The following GAN variants were observed in gnomAD, a reference collection of about 807,000 sequenced individuals.
GAN encodes gigaxonin, also known as epididymis secretory sperm binding protein.
In GAN, 48 loss-of-function variants were observed where a neutral mutation model predicts 71.3. The ratio of observed to expected loss-of-function variants is 0.67; its 90% CI spans 0.53 to 0.86. The LOEUF (loss-of-function observed/expected upper bound fraction) is 0.86, where lower values mean the gene tolerates loss of function less well. Among genes scored for constraint, GAN ranks in the 40% least tolerant of loss-of-function variants. The probability of loss-of-function intolerance (pLI) is 0.00; values close to 1 mark genes in which losing one functional copy is unlikely to be tolerated. For missense variants in GAN, 928 were observed against 770.1 expected (o/e 1.21, Z -2.43); for synonymous variants, 386 against 276.8 (o/e 1.39, Z -3.92).
At chr16:81,345,058 C>G (rs1910071911) in intron 1 of GAN, among the ~76,000 whole-genome samples, 1 of 152,194 alleles carries the variant, frequency 6.6e-6, no homozygotes, top group Non-Finnish European at 1.5e-5. Context: ...GAGATACCAT[C>G]TCACACCAGT....
chr16:81,383,136 C>T lies in GAN; in HGVS notation c.*5540C>T, dbSNP rs1053433170. 3 of 150,058 alleles carry T rather than the reference C, an allele frequency of 2.0e-5. No individual in the cohort carries two copies. The highest frequency in any genetic ancestry group is 4.4e-5 in the Non-Finnish European group (3 of 67,848). The allele number at this position is 150,058 out of a possible 1,614,324, so 9.3% of individuals were successfully genotyped here. A position where few individuals can be genotyped will look rare whatever the true frequency, so the allele number is the denominator to read the frequency against. Reference sequence around the variant, plus strand: ...TTTTCAGTTCTGTCATTGAAATTCTCTAAGTGATTGGATTTTTAAACCCCT... The same window carrying T: ...TTTTCAGTTCTGTCATTGAAATTCTTTAAGTGATTGGATTTTTAAACCCCT... On this transcript the variant is annotated 3_prime_UTR_variant, in exon 11 of 11. Transcript: ENST00000648994.
Position 81,383,242 on chromosome 16 carries a change from C to CTTTTTTTTTTT in GAN, c.*5664_*5674dup, listed in dbSNP as rs56023541. ...TAGTCAGAAATGACTGTTGCCCTCTCTTTTTTTTTTTTTTTTTTTTTTTTT... is the reference window on the plus strand; with the variant it reads ...TAGTCAGAAATGACTGTTGCCCTCTCTTTTTTTTTTTTTTTTTTTTTTTTTTTTTTTTTTTT... On this transcript the variant is annotated 3_prime_UTR_variant, in exon 11 of 11. Transcript: ENST00000648994. The CTTTTTTTTTTT allele has an allele frequency of 1.1e-5, 1 of 93,622 alleles. No homozygotes were observed. The highest frequency in any genetic ancestry group is 2.1e-5 in the Non-Finnish European group (1 of 48,506). 5.8% of individuals were successfully genotyped at this position (93,622 alleles called of 1,614,324 possible).
rs754548795 is a variant in GAN at position 81,315,188 on chromosome 16, G to A, written c.75G>A (p.Glu25=). Reference sequence around the variant, plus strand: ...TGCGAGCGCTCAGCTCTTTCCGCGAGGAGTCTCGCTTCTGCGACGCGCACC... The same window carrying A: ...TGCGAGCGCTCAGCTCTTTCCGCGAAGAGTCTCGCTTCTGCGACGCGCACC... The part of the protein sequence containing the change: ...RLLRALSSFR[E]ESRFCDAHLV... Residue 25 remains glutamate (E), a synonymous_variant, in exon 1 of 11, where the codon GAG becomes GAA. Transcript: ENST00000648994. 51 of 1,575,828 alleles carry A rather than the reference G, an allele frequency of 3.2e-5. No homozygotes were observed. Among genetic ancestry groups the A allele is most frequent in the Non-Finnish European group, 4.2e-5 (49 of 1,163,516 alleles).
At position 81,383,588 on chromosome 16, in the gene GAN, C is replaced by A. The variant is rs1597416981; in HGVS notation, c.*5992C>A. 1 of 150,588 alleles carries A rather than the reference C, an allele frequency of 6.6e-6. No homozygotes were observed. Among genetic ancestry groups the A allele is most frequent in the African/African-American group, 2.4e-5 (1 of 40,928 alleles). The allele number at this position is 150,588 out of a possible 1,614,324, so 9.3% of individuals were successfully genotyped here. ...TTTTATTTTGAGATTAAAACTAATTCTTTTAAAGTCACTACTCAGCTGAAA... is the reference window on the plus strand; with the variant it reads ...TTTTATTTTGAGATTAAAACTAATTATTTTAAAGTCACTACTCAGCTGAAA... On this transcript the variant is annotated 3_prime_UTR_variant, in exon 11 of 11. Transcript: ENST00000648994.
intron 4 of GAN, among the ~76,000 whole-genome samples, chr16:81,357,404 A>G (rs560086732): frequency 5.3e-5 from 8 of 152,136 alleles, no homozygotes; most frequent in East Asian, 3.9e-4. Flanking sequence ...ATGATTTCCA[A>G]TTTCATCCAT....
chr16:81,364,188 A>C (rs895034741), intron 7 of GAN, among the ~76,000 whole-genome samples: 12 of 152,158 alleles, frequency 7.9e-5, no homozygotes, highest in Admixed American at 6.5e-5. Context: ...GTCAAGCTCC[A>C]CATTTGAGTG....
At chr16:81,318,340 A>G (rs1450650660) in intron 1 of GAN, among the ~76,000 whole-genome samples, 1 of 152,150 alleles carries the variant, frequency 6.6e-6, no homozygotes, top group Non-Finnish European at 1.5e-5. Flanking sequence ...GGTAACTGTC[A>G]TAAGTGGTTG....
At chr16:81,356,217 A>G (rs944144642) in intron 3 of GAN, among the ~76,000 whole-genome samples, 1 of 147,216 alleles carries the variant, frequency 6.8e-6, no homozygotes, top group South Asian at 2.2e-4. Flanking sequence ...CGTCAGTTCA[A>G]ATTTAGTGAT....
At position 81,379,338 on chromosome 16, in the gene GAN, G is replaced by A. The variant is rs1260268480; in HGVS notation, c.*1742G>A. 1 of 152,176 alleles carries A rather than the reference G, an allele frequency of 6.6e-6. No homozygotes were observed. The highest frequency in any genetic ancestry group is 1.5e-5 in the Non-Finnish European group (1 of 68,030). 9.4% of individuals were successfully genotyped at this position (152,176 alleles called of 1,614,324 possible). The stretch of plus-strand genomic sequence containing the variant: ...TATGGGGTTCTAGAGAGTGTTGAGT[G>A]TGGTACATTAACTCTCCATTTTAGC... On this transcript the variant is annotated 3_prime_UTR_variant, in exon 11 of 11. Transcript: ENST00000648994.
Position 81,383,059 on chromosome 16 carries a change from C to A in GAN, c.*5463C>A, listed in dbSNP as rs1221161658. ...AAACTCCTGGCCTCAGATGTGGAGA[C>A]CCAGCTGGGACTACAGGCATGAGCC... On this transcript the variant is annotated 3_prime_UTR_variant, in exon 11 of 11. Coordinates refer to ENST00000648994, the MANE Select transcript of GAN (RefSeq NM_022041.4). 6.6e-6 allele frequency: 1 copy of A among 151,854 alleles called. No individual in the cohort carries two copies. The highest frequency in any genetic ancestry group is 1.5e-5 in the Non-Finnish European group (1 of 67,978). 9.4% of individuals were successfully genotyped at this position (151,854 alleles called of 1,614,324 possible).
chr16:81,332,548 C>T (rs1383064166), intron 1 of GAN, among the ~76,000 whole-genome samples: 2 of 152,206 alleles, frequency 1.3e-5, no homozygotes, highest in East Asian at 1.9e-4. Flanking sequence ...AAGTGCTCAG[C>T]CAACCTGAGT....
intron 1 of GAN, among the ~76,000 whole-genome samples, chr16:81,339,215 G>A (rs1470016902): frequency 6.6e-6 from 1 of 152,176 alleles, no homozygotes; most frequent in Non-Finnish European, 1.5e-5. Context: ...AAGCACTCAG[G>A]CTGCATTGCC....
chr16:81,316,635 G>C lies in GAN; in HGVS notation c.167+1355G>C, dbSNP rs1158804323. 2.6e-5 allele frequency among the ~76,000 whole-genome samples: 4 copies of C among 152,328 alleles called. No homozygotes were observed. In the South Asian group the frequency reaches 8.3e-4, roughly 32 times the overall value. ...GAGTCAGCAGACCAAAGTCTTCCCTGTTTGGGAAAATGCTGAAGAAAACTA... is the reference window on the plus strand; with the variant it reads ...GAGTCAGCAGACCAAAGTCTTCCCTCTTTGGGAAAATGCTGAAGAAAACTA... On this transcript the variant is annotated intron_variant, in intron 1 of 10. Transcript: ENST00000648994.
At chr16:81,350,845 G>C (rs967388883) in intron 1 of GAN, among the ~76,000 whole-genome samples, 2 of 152,124 alleles carry the variant, frequency 1.3e-5, no homozygotes, top group Non-Finnish European at 2.9e-5. Flanking sequence ...TAGCACAAAA[G>C]AGTCATATGC....
rs953259818 is a variant in GAN at position 81,384,748 on chromosome 16, C to T, written c.*7152C>T. On this transcript the variant is annotated 3_prime_UTR_variant, in exon 11 of 11. Transcript: ENST00000648994. ...AAAATCATGAATGATGTGATTTGTT[C>T]CATGTATCTGTGGAACATCCCTCAC... 5.3e-5 allele frequency: 8 copies of T among 152,134 alleles called. No homozygotes were observed. The highest frequency in any genetic ancestry group is 1.2e-4 in the Non-Finnish European group (8 of 68,034). The allele number at this position is 152,134 out of a possible 1,614,324, so 9.4% of individuals were successfully genotyped here.
At chr16:81,342,515 T>C (rs147313275) in intron 1 of GAN, among the ~76,000 whole-genome samples, 3,287 of 152,178 alleles carry the variant, frequency 0.022, 59 homozygotes, top group East Asian at 0.082. Context: ...ACTGAACAAC[T>C]TGCTCCTGAA....
chr16:81,343,022 A>C (rs1284868303), intron 1 of GAN, among the ~76,000 whole-genome samples: 1 of 152,242 alleles, frequency 6.6e-6, no homozygotes, highest in African/African-American at 2.4e-5. Flanking sequence ...AAACTAGAAC[A>C]TCTAGAAGAA....
At chr16:81,356,508 A>G (rs575963184) in intron 3 of GAN, among the ~76,000 whole-genome samples, 2 of 152,332 alleles carry the variant, frequency 1.3e-5, no homozygotes, top group East Asian at 1.9e-4. Flanking sequence ...TGAAATGGGA[A>G]TCCTTTAAGG....
chr16:81,372,442 G>A (rs1911066486), intron 9 of GAN, among the ~76,000 whole-genome samples: 1 of 152,208 alleles, frequency 6.6e-6, no homozygotes, highest in African/African-American at 2.4e-5. Flanking sequence ...TTCAGGGTCG[G>A]TGAGATGATA....
Sources: allele counts gnomAD v4.1 joint callset (sites outside exome capture counted in the v4.1 genomes callset), GRCh38; gene constraint gnomAD v4.1.1; transcripts MANE v1.5; gene names NCBI Gene and HGNC (gene_info 2026-07-23, HGNC 2026-07-21).